MATN2: variants seen among roughly 807,000 people sequenced by gnomAD.
MATN2 encodes the protein matrilin-2.
In MATN2, 69 loss-of-function variants were observed where a neutral mutation model predicts 103.2. That is an observed-to-expected ratio of 0.67 (90% confidence interval 0.55 to 0.82). The LOEUF is 0.82. Ranked by LOEUF, MATN2 falls within the 40% of genes least tolerant of loss-of-function variation. The pLI is 0.00. For missense variants in MATN2, 1,023 were observed against 1,211.5 expected (o/e 0.84, Z 2.31); for synonymous variants, 429 against 450.2 (o/e 0.95, Z 0.60).
intron 6 of MATN2, among the ~76,000 whole-genome samples, chr8:97,987,746 T>C (rs1812242945): frequency 6.6e-6 from 1 of 152,144 alleles, no homozygotes; most frequent in African/African-American, 2.4e-5. Flanking sequence ...GCTCAGAGAA[T>C]ATTTACTGAA....
chr8:98,020,550 C>T (rs1287581442), intron 12 of MATN2, among the ~76,000 whole-genome samples: 1 of 152,204 alleles, frequency 6.6e-6, no homozygotes, highest in Admixed American at 6.5e-5. Flanking sequence ...CAACTTCTAC[C>T]TCTGGAATTT....
chr8:97,894,468 G>A (rs1483080207), intron 2 of MATN2, among the ~76,000 whole-genome samples: 1 of 151,258 alleles, frequency 6.6e-6, no homozygotes, highest in African/African-American at 2.4e-5. Flanking sequence ...CTACAGTCAT[G>A]TACTACCACG....
intron 2 of MATN2, among the ~76,000 whole-genome samples, chr8:97,914,045 T>A (rs1242823015): frequency 6.6e-6 from 1 of 152,192 alleles, no homozygotes; most frequent in African/African-American, 2.4e-5. Context: ...TGGGATTAAG[T>A]CCAGGGTTAG....
At chr8:98,022,357 GCACA>G (rs34090534) in intron 13 of MATN2, among the ~76,000 whole-genome samples, 67,101 of 150,466 alleles carry the variant, frequency 0.45, 15,823 homozygotes, top group African/African-American at 0.6. Context: ...ATACCCTTAT[GCACA>G]CACACACACA....
intron 5 of MATN2, among the ~76,000 whole-genome samples, chr8:97,973,547 GA>G (rs1416741225): frequency 1.4e-5 from 2 of 147,116 alleles, no homozygotes; most frequent in Admixed American, 6.9e-5. Context: ...TTAAGTTGAA[GA>G]AAAAAGTATG....
intron 6 of MATN2, among the ~76,000 whole-genome samples, chr8:97,989,673 C>G (rs921555880): frequency 6.6e-6 from 1 of 151,794 alleles, no homozygotes; most frequent in African/African-American, 2.4e-5. Flanking sequence ...AGAGAAAGAT[C>G]AATAAATGGT....
intron 1 of MATN2, among the ~76,000 whole-genome samples, chr8:97,876,176 T>TGCCTG (rs1818061989): frequency 6.8e-6 from 1 of 147,636 alleles, no homozygotes; most frequent in African/African-American, 2.6e-5. Flanking sequence ...CACGCTTGGC[T>TGCCTG]AATTATTGTA....
chr8:97,872,890 G>A (rs569441841), intron 1 of MATN2, among the ~76,000 whole-genome samples: 1 of 151,960 alleles, frequency 6.6e-6, no homozygotes, highest in African/African-American at 2.4e-5. Context: ...CGCCTCCCAG[G>A]TTCAAGTGTT....
At chr8:97,948,840 C>G (rs373382552) in intron 4 of MATN2, among the ~76,000 whole-genome samples, 4 of 151,848 alleles carry the variant, frequency 2.6e-5, no homozygotes, top group South Asian at 2.1e-4. Flanking sequence ...CAAAAAGCTA[C>G]AAAACATAAA....
intron 7 of MATN2, among the ~76,000 whole-genome samples, chr8:98,000,942 GACA>G (rs1267539275): frequency 3.3e-5 from 5 of 152,190 alleles, no homozygotes; most frequent in African/African-American, 9.6e-5. Context: ...CACAAAAGAT[GACA>G]AAATGATGTT....
intron 6 of MATN2, among the ~76,000 whole-genome samples, chr8:97,991,123 A>G (rs1466282790): frequency 6.6e-6 from 1 of 152,240 alleles, no homozygotes; most frequent in African/African-American, 2.4e-5. Flanking sequence ...TCACTATCCT[A>G]TGGGACACTC....
chr8:97,938,238 ATT>A (rs1810443302), intron 3 of MATN2, among the ~76,000 whole-genome samples: 1 of 152,196 alleles, frequency 6.6e-6, no homozygotes, highest in Admixed American at 6.5e-5. Context: ...CCCGTGGGTA[ATT>A]TGACTCCAGC....
chr8:98,034,024 T>C (rs1036127892), intron 18 of MATN2: 4 of 397,294 alleles, frequency 1.0e-5, no homozygotes, highest in Admixed American at 3.1e-5. Flanking sequence ...ACGGTAAGTA[T>C]AGACAAAGAA....
intron 6 of MATN2, among the ~76,000 whole-genome samples, chr8:97,991,524 A>G (rs1442535658): frequency 6.6e-6 from 1 of 152,160 alleles, no homozygotes; most frequent in African/African-American, 2.4e-5. Context: ...GAGTTCGAGA[A>G]CAGCCTGGGC....
chr8:97,965,366 G>A lies in MATN2; in HGVS notation c.958+3836G>A, dbSNP rs568035445. Among the ~76,000 whole-genome samples, 7 of 152,326 alleles carry A rather than the reference G, an allele frequency of 4.6e-5. No individual in the cohort carries two copies. In the South Asian group the frequency reaches 1.0e-3, roughly 23 times the overall value. On this transcript the variant is annotated intron_variant, in intron 5 of 18. Transcript: ENST00000254898. ...TCAACCTCATGGGGAACTGCAGGGT[G>A]TATTCCAGGAGAAGGATGGCAAGAA...
At chr8:98,008,249 G>T (rs1359351111) in intron 10 of MATN2, among the ~76,000 whole-genome samples, 1 of 143,586 alleles carries the variant, frequency 7.0e-6, no homozygotes, top group African/African-American at 2.7e-5. Flanking sequence ...AAAAAAAATT[G>T]CTCCCAGACC....
intron 2 of MATN2, among the ~76,000 whole-genome samples, chr8:97,921,568 T>TA (rs34898104): frequency 0.053 from 7,993 of 150,332 alleles, 264 homozygotes; most frequent in South Asian, 0.092. Context: ...CGCACTGTGG[T>TA]AAAAAAAAAA....
Position 97,892,956 on chromosome 8 carries a change from C to T in MATN2, c.142+4714C>T, listed in dbSNP as rs115147579. On this transcript the variant is annotated intron_variant, in intron 2 of 18. Transcript: ENST00000254898. Reference sequence around the variant, plus strand: ...AGGATGGAGTGTGGCAGTGGGGCTCCGATGTGGCGCTGGGTCTGCCAGACA... The same window carrying T: ...AGGATGGAGTGTGGCAGTGGGGCTCTGATGTGGCGCTGGGTCTGCCAGACA... 6.0e-3 allele frequency among the ~76,000 whole-genome samples: 915 copies of T among 152,158 alleles called. 15 individuals are homozygous for T. The highest frequency in any genetic ancestry group is 0.021 in the African/African-American group (876 of 41,506).
At chr8:97,872,298 G>A (rs1011929705) in intron 1 of MATN2, among the ~76,000 whole-genome samples, 2 of 152,206 alleles carry the variant, frequency 1.3e-5, no homozygotes, top group Non-Finnish European at 2.9e-5. Flanking sequence ...CAGCGGCTGA[G>A]CAGGTGGATC....
Sources: allele counts gnomAD v4.1 joint callset (sites outside exome capture counted in the v4.1 genomes callset), GRCh38; gene constraint gnomAD v4.1.1; transcripts MANE v1.5; gene names NCBI Gene and HGNC (gene_info 2026-07-23, HGNC 2026-07-21).